Variants in OSBPL1A observed in about 807,000 individuals in gnomAD.
OSBPL1A encodes the protein oxysterol binding protein like 1A, also known as oxysterol-binding protein-related protein 1.
A neutral mutation model predicts 137.1 loss-of-function variants in OSBPL1A; 80 were observed. The observed-to-expected ratio is 0.58, with a 90% CI of 0.49 to 0.70. The LOEUF (loss-of-function observed/expected upper bound fraction) is 0.70, where lower values mean the gene tolerates loss of function less well. Ranked by LOEUF, OSBPL1A falls within the 30% of genes least tolerant of loss-of-function variation. The pLI is 0.00. For missense variants in OSBPL1A, 970 were observed against 1,129.4 expected, an observed-to-expected ratio of 0.86 and a Z score of 2.02; for synonymous variants, 365 against 389.7, an observed-to-expected ratio of 0.94 and a Z score of 0.75.
chr18:24,318,693 A>G (rs375037672), intron 8 of OSBPL1A, 48 bp from the exon 9 acceptor site: 8 of 1,599,176 alleles, frequency 5.0e-6, no homozygotes, highest in East Asian at 4.5e-5. Flanking sequence ...TATTTCAAAC[A>G]TTCAAAAATT....
chr18:24,314,486 G>T, intron 11 of OSBPL1A, 139 bp from the exon 12 acceptor site: 1 of 532,210 alleles, frequency 1.9e-6, no homozygotes, highest in Non-Finnish European at 3.2e-6. Flanking sequence ...GATAAAAATT[G>T]GAAAAAAATA....
In OSBPL1A at chr18:24,280,946, T is replaced by C. The variant is rs779685936; in HGVS notation, c.1177A>G (p.Met393Val). ...MIKECDMAKE[M>V]LPSFLQKVEV... ...ACTTTCTGAAGAAATGATGGAAGCA[T>C]TTCTATAAAGAAAAAAATAAATACA... The change falls in exon 15 of 28, where the codon ATG (methionine) becomes GTG (valine). Residue 393 changes from methionine to valine, a missense_variant and splice_region_variant. Physicochemically the swap from Met to Val is conservative, Grantham distance 21. Around this residue, in one of 2 missense-constraint regions of OSBPL1A, gnomAD observed 647 missense variants for 672.6 expected, o/e 0.96. Coordinates refer to ENST00000319481, the MANE Select transcript of OSBPL1A (RefSeq NM_080597.4). The C allele has an allele frequency of 6.3e-7, 1 of 1,588,526 alleles. No individual in the cohort carries two copies. Among genetic ancestry groups the C allele is most frequent in the Non-Finnish European group, 8.5e-7 (1 of 1,171,048 alleles).
intron 4 of OSBPL1A, 122 bp downstream of exon 4, chr18:24,366,770 T>G (rs1198077810): frequency 1.1e-6 from 1 of 881,626 alleles, no homozygotes; most frequent in Admixed American, 2.7e-5. Context: ...AAAGTGCTGG[T>G]GTATACATTT....
chr18:24,286,056 C>G (rs2090061526), intron 14 of OSBPL1A, among the ~76,000 whole-genome samples: 1 of 152,158 alleles, frequency 6.6e-6, no homozygotes, highest in African/African-American at 2.4e-5. Context: ...ACCCAGGAGG[C>G]TGAGGCAAGA....
chr18:24,297,100 A>T (rs916424357), intron 14 of OSBPL1A, among the ~76,000 whole-genome samples: 1 of 152,156 alleles, frequency 6.6e-6, no homozygotes, highest in East Asian at 1.9e-4. Flanking sequence ...ATTCCAGTAG[A>T]ATTCAGCTGT....
chr18:24,295,535 T>C (rs2090273474), intron 14 of OSBPL1A, among the ~76,000 whole-genome samples: 1 of 152,252 alleles, frequency 6.6e-6, no homozygotes, highest in Non-Finnish European at 1.5e-5. Context: ...TGTTAGGCTT[T>C]CTGGTCTTAG....
chr18:24,355,060 C>T (rs9954986), intron 4 of OSBPL1A, among the ~76,000 whole-genome samples: 34,740 of 152,116 alleles, frequency 0.23, 4,569 homozygotes, highest in East Asian at 0.53. Context: ...ACAGCAGCCC[C>T]AGACCCTGAA....
chr18:24,210,913 T>C (rs1304416348), intron 17 of OSBPL1A, among the ~76,000 whole-genome samples: 2 of 152,048 alleles, frequency 1.3e-5, no homozygotes, highest in Admixed American at 6.6e-5. Context: ...TCTTGACTTA[T>C]TAATTCATTT....
chr18:24,236,504 G>A (rs1480420325), intron 16 of OSBPL1A, among the ~76,000 whole-genome samples: 1 of 152,140 alleles, frequency 6.6e-6, no homozygotes, highest in Non-Finnish European at 1.5e-5. Flanking sequence ...CAGGGCATCT[G>A]ACTCTTCATT....
At chr18:24,172,580 C>A in intron 21 of OSBPL1A, 97 bp from the exon 22 acceptor site, 1 of 810,264 alleles carries the variant, frequency 1.2e-6, no homozygotes, top group South Asian at 1.7e-5. Flanking sequence ...AATAACAAAC[C>A]AGGCTGCTTG....
intron 18 of OSBPL1A, among the ~76,000 whole-genome samples, chr18:24,182,540 T>C (rs2086634902): frequency 1.3e-5 from 2 of 152,182 alleles, no homozygotes; most frequent in East Asian, 3.8e-4. Flanking sequence ...AATATCCATA[T>C]TCCCACTGAG....
chr18:24,311,814 A>G (rs1431498694), intron 13 of OSBPL1A, among the ~76,000 whole-genome samples, 170 bp downstream of exon 13: 2 of 152,264 alleles, frequency 1.3e-5, no homozygotes, highest in African/African-American at 4.8e-5. Flanking sequence ...TGATAGTATT[A>G]CCATGAGAGA....
At chr18:24,344,221 A>T (rs533678606) in intron 4 of OSBPL1A, among the ~76,000 whole-genome samples, 21 of 152,340 alleles carry the variant, frequency 1.4e-4, no homozygotes, top group Admixed American at 6.5e-5. Flanking sequence ...AGGCTGAGGC[A>T]GACGGATCAC....
Position 24,317,360 on chromosome 18 carries a change from AAC to A in OSBPL1A, c.771_772del (p.Leu258ArgfsTer9). The A allele has an allele frequency of 6.2e-7, 1 of 1,613,882 alleles. No homozygotes were observed. Among genetic ancestry groups the A allele is most frequent in the Non-Finnish European group, 8.5e-7 (1 of 1,179,854 alleles). ...ATACCATGAAAGGACTCCATGCTCT[AAC>A]ACTACCCAGAATAATCTCCAGCCAA... is the stretch of plus-strand genomic sequence containing the variant. On this transcript the variant is annotated frameshift_variant, in exon 10 of 28. Coordinates refer to ENST00000319481, the MANE Select transcript of OSBPL1A (RefSeq NM_080597.4). LOFTEE classifies it high-confidence loss of function.
chr18:24,247,851 CA>C (rs781425713), intron 15 of OSBPL1A, among the ~76,000 whole-genome samples: 1 of 151,852 alleles, frequency 6.6e-6, no homozygotes, highest in Non-Finnish European at 1.5e-5. Context: ...AATTTCTGCT[CA>C]AAAAAGGAGG....
chr18:24,316,376 C>G (rs2146119551), intron 11 of OSBPL1A, among the ~76,000 whole-genome samples: 1 of 151,914 alleles, frequency 6.6e-6, no homozygotes, highest in East Asian at 1.9e-4. Flanking sequence ...GCAAAAATTG[C>G]CAGAATGGGT....
At chr18:24,251,761 G>A (rs1001682586) in intron 15 of OSBPL1A, among the ~76,000 whole-genome samples, 5 of 152,170 alleles carry the variant, frequency 3.3e-5, no homozygotes, top group African/African-American at 7.2e-5. Context: ...GAGAAAGAGG[G>A]ACATGTGACA....
At chr18:24,223,776 A>G (rs2087971048) in intron 17 of OSBPL1A, among the ~76,000 whole-genome samples, 1 of 152,126 alleles carries the variant, frequency 6.6e-6, no homozygotes, top group Non-Finnish European at 1.5e-5. Context: ...ATCTAAGCAC[A>G]ATGCTTTTTC....
Position 24,206,654 on chromosome 18 carries a change from G to A in OSBPL1A, c.1602-10454C>T, listed in dbSNP as rs60919936. Among the ~76,000 whole-genome samples, 436 of 152,196 alleles carry A rather than the reference G, an allele frequency of 2.9e-3. 22 individuals carry two copies. In the East Asian group the frequency reaches 0.066, roughly 23 times the overall value. ...ACGTCCTCTCCCAATCTATCTCTGG[G>A]AGACTTCGAGCATGCTCCTCCATTC... is the stretch of plus-strand genomic sequence containing the variant. On this transcript the variant is annotated intron_variant, in intron 17 of 27. Transcript: ENST00000319481.
Sources: allele counts gnomAD v4.1 joint callset (sites outside exome capture counted in the v4.1 genomes callset), GRCh38; gene constraint gnomAD v4.1.1; regional missense constraint gnomAD v4.1.1; transcripts MANE v1.5; gene names NCBI Gene and HGNC (gene_info 2026-07-23, HGNC 2026-07-21).